The following CSMD2 variants were observed in gnomAD, a reference collection of about 807,000 sequenced individuals.
The protein encoded by CSMD2 is CUB and Sushi multiple domains 2, also known as CUB and sushi domain-containing protein 2.
CSMD2 carries 130 observed loss-of-function variants against 398.5 expected under a neutral mutation model. The ratio of observed to expected loss-of-function variants is 0.33; its 90% CI spans 0.28 to 0.38. CSMD2 has a LOEUF of 0.38. Among genes scored for constraint, CSMD2 ranks in the 10% least tolerant of loss-of-function variants. The pLI, the probability that CSMD2 is intolerant of heterozygous loss-of-function variation, is 1.00. For synonymous variants in CSMD2, 1,828 were observed against 1,908.5 expected (o/e 0.96, Z 1.10); for missense variants, 3,829 against 4,764.9 (o/e 0.80, Z 5.78).
At chr1:33,612,844 G>A (rs1641111944) in intron 40 of CSMD2, among the ~76,000 whole-genome samples, 1 of 18,326 alleles carries the variant, frequency 5.5e-5, no homozygotes, top group East Asian at 1.7e-3. Flanking sequence ...ACCAGGCCCA[G>A]CTAATTTTTT....
At chr1:33,728,340 T>C (rs1039487129) in intron 15 of CSMD2, among the ~76,000 whole-genome samples, 1 of 152,170 alleles carries the variant, frequency 6.6e-6, no homozygotes, top group Non-Finnish European at 1.5e-5. Flanking sequence ...CCTCTTTTTT[T>C]TTTAATGCTA....
At chr1:33,970,213 A>ATGAG (rs757186170) in intron 3 of CSMD2, among the ~76,000 whole-genome samples, 12 of 152,128 alleles carry the variant, frequency 7.9e-5, no homozygotes, top group African/African-American at 1.2e-4. Context: ...GAATGAATGA[A>ATGAG]TGAGTGAGTG....
chr1:33,635,071 A>G lies in CSMD2; in HGVS notation c.5086+143T>C. ...TGCAGCCCGTTTGAGAAACGTCAGC[A>G]CTCGGCCGTCCTTTTGGGGAGACTG... On this transcript the variant is annotated intron_variant, in intron 31 of 70. Coordinates refer to ENST00000373381, the MANE Select transcript of CSMD2 (RefSeq NM_001281956.2). The surrounding 1 kb of genome is among the most constrained non-coding windows in gnomAD (Gnocchi z 5.0). 1 of 599,832 alleles carries G rather than the reference A, an allele frequency of 1.7e-6. No individual in the cohort carries two copies. Among genetic ancestry groups the G allele is most frequent in the Non-Finnish European group, 3.1e-6 (1 of 323,910 alleles). 37.2% of individuals were successfully genotyped at this position (599,832 alleles called of 1,614,324 possible). A position where few individuals can be genotyped will look rare whatever the true frequency, so the allele number is the denominator to read the frequency against.
chr1:33,757,673 A>G (rs1446907473), intron 13 of CSMD2, among the ~76,000 whole-genome samples: 1 of 152,186 alleles, frequency 6.6e-6, no homozygotes, highest in African/African-American at 2.4e-5. Context: ...CGGCACCTCA[A>G]ATGCATGTCC....
At chr1:34,110,853 G>T (rs1661011564) in intron 1 of CSMD2, among the ~76,000 whole-genome samples, 1 of 152,140 alleles carries the variant, frequency 6.6e-6, no homozygotes, top group East Asian at 1.9e-4. Context: ...GACATGGGTT[G>T]ACTATATAAC....
chr1:33,653,286 A>C (rs1338546094), intron 27 of CSMD2, among the ~76,000 whole-genome samples: 3 of 152,176 alleles, frequency 2.0e-5, no homozygotes, highest in African/African-American at 7.2e-5. Context: ...TATGAAGTAC[A>C]TGGCCTTCCT....
intron 29 of CSMD2, among the ~76,000 whole-genome samples, chr1:33,638,832 C>A (rs912388093): frequency 1.3e-5 from 2 of 152,194 alleles, no homozygotes; most frequent in Non-Finnish European, 2.9e-5. Flanking sequence ...CCCCCAACAC[C>A]CTCCTCTGCT....
chr1:34,071,913 T>C (rs979274730), intron 2 of CSMD2, among the ~76,000 whole-genome samples: 2 of 152,238 alleles, frequency 1.3e-5, no homozygotes, highest in Non-Finnish European at 2.9e-5. Context: ...TCACACAATT[T>C]CAGAGCTGGA....
At chr1:34,025,603 TCA>T (rs1308364197) in intron 3 of CSMD2, among the ~76,000 whole-genome samples, 4 of 152,266 alleles carry the variant, frequency 2.6e-5, no homozygotes, top group East Asian at 1.9e-4. Context: ...TGTGTGTGTG[TCA>T]CAGTTTTCAA....
intron 10 of CSMD2, among the ~76,000 whole-genome samples, chr1:33,794,964 C>T (rs1294252090): frequency 7.2e-5 from 10 of 138,780 alleles, no homozygotes; most frequent in African/African-American, 1.9e-4. Context: ...CTAGGTGAGG[C>T]GGGATGTGGA....
chr1:34,104,743 C>T (rs776182964), intron 1 of CSMD2, among the ~76,000 whole-genome samples: 48 of 152,302 alleles, frequency 3.2e-4, no homozygotes, highest in Admixed American at 8.5e-4. Context: ...GGCAGGGGCA[C>T]CTTGTCCGCT....
At chr1:33,897,965 T>A (rs1570435806) in intron 5 of CSMD2, among the ~76,000 whole-genome samples, 1 of 152,130 alleles carries the variant, frequency 6.6e-6, no homozygotes, top group Non-Finnish European at 1.5e-5. Flanking sequence ...TGTAAGGTGG[T>A]CTCAGTCAAG....
intron 26 of CSMD2, 138 bp from the exon 27 acceptor site, chr1:33,658,275 G>A: frequency 1.5e-6 from 1 of 666,946 alleles, no homozygotes; most frequent in Non-Finnish European, 2.6e-6. Flanking sequence ...ATCATCATCA[G>A]CTGTAGCCAC....
chr1:33,582,084 T>C (rs1570814965), intron 47 of CSMD2, among the ~76,000 whole-genome samples: 1 of 152,154 alleles, frequency 6.6e-6, no homozygotes, highest in Non-Finnish European at 1.5e-5. Flanking sequence ...AGCACCAGCA[T>C]TGCTGAAAAC....
intron 4 of CSMD2, among the ~76,000 whole-genome samples, chr1:33,929,620 T>C (rs1004157245): frequency 1.3e-5 from 2 of 152,040 alleles, no homozygotes; most frequent in Non-Finnish European, 2.9e-5. Flanking sequence ...GTATTTTTAG[T>C]AGAGATGGAG....
chr1:33,830,230 C>G (rs959691152), intron 6 of CSMD2, among the ~76,000 whole-genome samples: 19 of 152,288 alleles, frequency 1.2e-4, no homozygotes, highest in African/African-American at 4.6e-4. Context: ...TGACCCTTGA[C>G]CCCCGAGCAG....
intron 1 of CSMD2, among the ~76,000 whole-genome samples, chr1:34,162,820 T>C (rs1271429666): frequency 1.3e-5 from 2 of 152,044 alleles, no homozygotes; most frequent in African/African-American, 4.8e-5. Context: ...GACCGCGCCA[T>C]TGCACTCCAG....
chr1:34,070,958 G>A (rs1396455964), intron 2 of CSMD2, among the ~76,000 whole-genome samples: 2 of 152,178 alleles, frequency 1.3e-5, no homozygotes, highest in Non-Finnish European at 2.9e-5. Context: ...GTTGTATGCA[G>A]CTCTACCAGC....
intron 2 of CSMD2, among the ~76,000 whole-genome samples, chr1:34,045,807 C>T (rs577831290): frequency 3.3e-5 from 5 of 152,342 alleles, no homozygotes; most frequent in East Asian, 1.9e-4. Context: ...TGGACTGCAG[C>T]GTCTCCTTCT....
Sources: allele counts gnomAD v4.1 joint callset (sites outside exome capture counted in the v4.1 genomes callset), GRCh38; gene constraint gnomAD v4.1.1; non-coding constraint Gnocchi (gnomAD v3.1); transcripts MANE v1.5; gene names NCBI Gene and HGNC (gene_info 2026-07-23, HGNC 2026-07-21).